The following GSS variants were observed in gnomAD, a reference collection of about 807,000 sequenced individuals.
GSS encodes glutathione synthetase, also known as GSH synthetase.
Under a neutral mutation model 60.4 loss-of-function variants are expected in GSS, and 34 were observed. The observed-to-expected ratio is 0.56, with a 90% CI of 0.43 to 0.75. GSS has a LOEUF of 0.75. GSS is among the 30% of genes least tolerant of loss of function. GSS has a pLI of 0.00. For missense variants in GSS, 499 were observed against 595.1 expected (o/e 0.84, Z 1.68); for synonymous variants, 224 against 239.0 (o/e 0.94, Z 0.58).
chr20:34,939,140 T>C (rs937833952), intron 6 of GSS, among the ~76,000 whole-genome samples: 1 of 152,112 alleles, frequency 6.6e-6, no homozygotes, highest in Non-Finnish European at 1.5e-5. Context: ...CTTGGGAGGC[T>C]AAGGCAGGAA....
chr20:34,935,717 T>C, intron 8 of GSS, 75 bp from the exon 9 acceptor site: 2 of 1,181,756 alleles, frequency 1.7e-6, no homozygotes, highest in Non-Finnish European at 2.5e-6. Flanking sequence ...TATTTCAGGG[T>C]GCATCAAGAT....
At chr20:34,931,903 G>A in intron 10 of GSS, 36 bp downstream of exon 10, 1 of 1,589,708 alleles carries the variant, frequency 6.3e-7, no homozygotes, top group African/African-American at 1.3e-5. Context: ...TGCCACCTAG[G>A]AGGCCTGTGG....
chr20:34,931,614 C>A, intron 10 of GSS, 197 bp from the exon 11 acceptor site: 1 of 662,462 alleles, frequency 1.5e-6, no homozygotes. Context: ...TGAGAACAGG[C>A]CTTTCTTTAG....
intron 11 of GSS, among the ~76,000 whole-genome samples, chr20:34,930,953 C>T (rs1445686999): frequency 6.6e-6 from 1 of 152,094 alleles, no homozygotes; most frequent in Non-Finnish European, 1.5e-5. Context: ...TCCTACCCAC[C>T]TCTTAAGACA....
intron 9 of GSS, 85 bp downstream of exon 9, chr20:34,935,491 C>G: frequency 2.2e-6 from 2 of 920,606 alleles, no homozygotes; most frequent in Non-Finnish European, 1.8e-6. Flanking sequence ...TCGGAAAACC[C>G]AGGTTGTTAT....
At position 34,936,881 on chromosome 20, in the gene GSS, G is replaced by A. The variant is rs374228168; in HGVS notation, c.690-41C>T. Reference sequence around the variant, plus strand: ...AAGAGCCAGAGGGAATGGATGCTATGTTCTGAGTGCCCCACCCCTAATCCT... The same window carrying A: ...AAGAGCCAGAGGGAATGGATGCTATATTCTGAGTGCCCCACCCCTAATCCT... On this transcript the variant is annotated intron_variant, in intron 7 of 12. Coordinates refer to ENST00000651619, the MANE Select transcript of GSS (RefSeq NM_000178.4). The A allele has an allele frequency of 3.1e-6, 5 of 1,604,966 alleles. No individual in the cohort carries two copies. The African/African-American group carries it at 6.7e-5, about 21-fold the overall frequency.
At chr20:34,951,661 C>T (rs1569018847) in intron 2 of GSS, 63 bp downstream of exon 2, 5 of 1,549,630 alleles carry the variant, frequency 3.2e-6, no homozygotes, top group East Asian at 2.4e-5. Flanking sequence ...GAGTGACCCT[C>T]AGCCTGGCCG....
chr20:34,935,838 G>A (rs1200005720), intron 8 of GSS, among the ~76,000 whole-genome samples, 196 bp from the exon 9 acceptor site: 1 of 152,164 alleles, frequency 6.6e-6, no homozygotes, highest in Non-Finnish European at 1.5e-5. Flanking sequence ...AAACAGGGAG[G>A]TGTGCCATAC....
chr20:34,940,717 T>C (rs1263027968), intron 6 of GSS, among the ~76,000 whole-genome samples: 3 of 152,242 alleles, frequency 2.0e-5, no homozygotes, highest in Non-Finnish European at 1.5e-5. Context: ...CTATTAATGC[T>C]ATATTAACAT....
At chr20:34,953,149 A>G (rs1034571535) in intron 1 of GSS, among the ~76,000 whole-genome samples, 16 of 152,354 alleles carry the variant, frequency 1.1e-4, no homozygotes, top group Middle Eastern at 3.4e-3. Context: ...TCAGGAGTTT[A>G]AGATCTGGGT....
At chr20:34,952,782 T>C (rs1024596401) in intron 1 of GSS, 2 of 152,194 alleles carry the variant, frequency 1.3e-5, no homozygotes, top group Non-Finnish European at 2.9e-5. Context: ...GTCACTGCAG[T>C]ACATTATTAA....
intron 10 of GSS, 94 bp downstream of exon 10, chr20:34,931,845 G>A (rs2081403706): frequency 1.7e-6 from 2 of 1,198,916 alleles, no homozygotes; most frequent in Admixed American, 1.8e-5. Context: ...CCTTCCCCTT[G>A]TCACAATGCC....
intron 3 of GSS, among the ~76,000 whole-genome samples, chr20:34,943,516 G>C (rs1369456336): frequency 6.6e-6 from 1 of 152,098 alleles, no homozygotes; most frequent in Non-Finnish European, 1.5e-5. Context: ...TTGGAGATTA[G>C]AAGACAGCAG....
At chr20:34,949,484 A>C (rs1394140009) in intron 2 of GSS, 4 of 112,434 alleles carry the variant, frequency 3.6e-5, no homozygotes, top group Non-Finnish European at 7.6e-5. Flanking sequence ...CCTTTTCCCT[A>C]TTTGTCTTTT....
At chr20:34,944,859 GTGTTCAAC>G (rs2081508342) in intron 3 of GSS, among the ~76,000 whole-genome samples, 1 of 152,116 alleles carries the variant, frequency 6.6e-6, no homozygotes, top group African/African-American at 2.4e-5. Context: ...GAGTCATGTG[GTGTTCAAC>G]AAGTTTTGAA....
chr20:34,945,029 C>CT (rs910680128), intron 3 of GSS, among the ~76,000 whole-genome samples: 16 of 150,004 alleles, frequency 1.1e-4, no homozygotes, highest in Admixed American at 4.0e-4. Flanking sequence ...ATTATTATTT[C>CT]TTTTTTTTTG....
rs1198112512 is a variant in GSS at position 34,935,634 on chromosome 20, T to C, written c.776A>G (p.Gln259Arg). ...DQDRRLFVDG[Q>R]EIAVVYFRDG... Reference sequence around the variant, plus strand: ...CCGGAAGTAAACCACAGCAATTTCCTGGCCATCCCTGGAACACAGGATGGA... The same window carrying C: ...CCGGAAGTAAACCACAGCAATTTCCCGGCCATCCCTGGAACACAGGATGGA... The change falls in exon 9 of 13, where the codon CAG (glutamine) becomes CGG (arginine). Residue 259 changes from glutamine to arginine, a missense_variant. Gln to Arg is a conservative substitution (Grantham distance 43). Transcript: ENST00000651619. The C allele has an allele frequency of 6.2e-7, 1 of 1,610,398 alleles. No individual in the cohort carries two copies. Among genetic ancestry groups the C allele is most frequent in the Non-Finnish European group, 8.5e-7 (1 of 1,176,566 alleles).
chr20:34,941,432 C>T (rs371595875), intron 6 of GSS, among the ~76,000 whole-genome samples: 2 of 151,986 alleles, frequency 1.3e-5, no homozygotes, highest in South Asian at 2.1e-4. Context: ...AACAGCCTTG[C>T]GTGCCTCTCT....
Position 34,929,420 on chromosome 20 carries a change from T to A in GSS, c.1282A>T (p.Ile428Phe). The change falls in exon 12 of 13, where the codon ATC (isoleucine) becomes TTC (phenylalanine). Residue 428 changes from isoleucine to phenylalanine, a missense_variant. Physicochemically the swap from Ile to Phe is conservative, Grantham distance 21 (BLOSUM62 0). Transcript: ENST00000651619. ...RVVQCISELG[I>F]FGVYVRQEKT... ...GCTCACCTGACATAGACCCCAAAGATGCCCAGCTCTGAAATGCACTGGACC... is the reference window on the plus strand; with the variant it reads ...GCTCACCTGACATAGACCCCAAAGAAGCCCAGCTCTGAAATGCACTGGACC... The A allele has an allele frequency of 6.2e-7, 1 of 1,614,016 alleles. No individual in the cohort carries two copies. The highest frequency in any genetic ancestry group is 8.5e-7 in the Non-Finnish European group (1 of 1,179,914).
Sources: gnomAD v4.1 joint callset for allele counts (sites outside exome capture counted in the v4.1 genomes callset) on GRCh38, gnomAD v4.1.1 for gene constraint, MANE v1.5 for transcripts, NCBI Gene and HGNC (gene_info 2026-07-23, HGNC 2026-07-21) for gene names.